SGF29: variants seen among roughly 807,000 people sequenced by gnomAD.
SGF29 encodes the protein SAGA-associated factor 29.
Under a neutral mutation model 38.1 loss-of-function variants are expected in SGF29, and 15 were observed. The observed-to-expected ratio is 0.39, with a 90% CI of 0.26 to 0.61. The LOEUF (loss-of-function observed/expected upper bound fraction) is 0.61, where lower values mean the gene tolerates loss of function less well. Among genes scored for constraint, SGF29 ranks in the 20% least tolerant of loss-of-function variants. SGF29 has a pLI of 0.49. For missense variants in SGF29, 184 were observed against 394.6 expected, an observed-to-expected ratio of 0.47 and a Z score of 4.52; for synonymous variants, 151 against 160.8, an observed-to-expected ratio of 0.94 and a Z score of 0.46.
chr16:28,578,482 C>A (rs1435140301), intron 1 of SGF29, among the ~76,000 whole-genome samples: 1 of 151,944 alleles, frequency 6.6e-6, no homozygotes, highest in African/African-American at 2.4e-5. Flanking sequence ...TTCATAGATG[C>A]CCTTCATCAG....
chr16:28,572,281 G>T (rs578029817), intron 1 of SGF29, among the ~76,000 whole-genome samples: 1 of 137,804 alleles, frequency 7.3e-6, no homozygotes, highest in South Asian at 2.4e-4. Context: ...CGGCCCTTTT[G>T]TATTTTTCTT....
intron 1 of SGF29, among the ~76,000 whole-genome samples, chr16:28,569,770 G>A (rs2046854198): frequency 6.6e-6 from 1 of 152,214 alleles, no homozygotes; most frequent in Admixed American, 6.5e-5. Flanking sequence ...GACAATGGAA[G>A]GATGACCCCG....
Position 28,574,829 on chromosome 16 carries a change from A to G in SGF29, c.-15-6226A>G, listed in dbSNP as rs1403039007. Among the ~76,000 whole-genome samples the G allele has an allele frequency of 2.0e-5, 3 of 152,332 alleles. No individual in the cohort carries two copies. The East Asian group carries it at 5.8e-4, about 29-fold the overall frequency. ...TTTAGCAACAGCCTGCATGCTGATC[A>G]TGCTCAGATTTATCCACTTCCAATC... On this transcript the variant is annotated intron_variant, in intron 1 of 9. Transcript: ENST00000317058.
intron 1 of SGF29, among the ~76,000 whole-genome samples, chr16:28,571,745 G>C (rs1032764560): frequency 3.3e-5 from 5 of 152,180 alleles, no homozygotes; most frequent in African/African-American, 1.2e-4. Flanking sequence ...AAGAGTCAAT[G>C]TAAGGAAATC....
chr16:28,585,065 G>A (rs2046949195), intron 3 of SGF29, 77 bp downstream of exon 3: 2 of 1,122,854 alleles, frequency 1.8e-6, no homozygotes, highest in East Asian at 2.4e-5. Flanking sequence ...GACCGAGGTG[G>A]TCATTGTATT....
intron 9 of SGF29, 70 bp from the exon 10 acceptor site, chr16:28,591,520 C>G (rs1240125696): frequency 9.3e-7 from 1 of 1,073,178 alleles, no homozygotes; most frequent in African/African-American, 1.6e-5. Flanking sequence ...GTGGTCTAGG[C>G]TGGGGGAAGG....
chr16:28,589,233 C>A, intron 5 of SGF29, 69 bp downstream of exon 5: 1 of 1,558,220 alleles, frequency 6.4e-7, no homozygotes, highest in South Asian at 1.1e-5. Flanking sequence ...GGGCAGCAGT[C>A]ACCCTCCTGT....
intron 1 of SGF29, among the ~76,000 whole-genome samples, chr16:28,562,911 A>AG (rs2046798114): frequency 6.6e-6 from 1 of 151,030 alleles, no homozygotes; most frequent in Non-Finnish European, 1.5e-5. Context: ...CTCAAAAAAA[A>AG]AAAAAAAAAA....
chr16:28,556,164 CTATTTATT>C (rs201919458), intron 1 of SGF29, among the ~76,000 whole-genome samples: 1 of 151,878 alleles, frequency 6.6e-6, no homozygotes, highest in African/African-American at 2.4e-5. Context: ...AATATAGATT[CTATTTATT>C]TATTTATTTA....
intron 5 of SGF29, chr16:28,589,471 C>T (rs997521614): frequency 5.8e-6 from 2 of 347,340 alleles, no homozygotes; most frequent in Non-Finnish European, 1.1e-5. Flanking sequence ...ATCTGTTGCC[C>T]TGGCTGGTTT....
At chr16:28,574,500 A>G (rs114722878) in intron 1 of SGF29, among the ~76,000 whole-genome samples, 1,749 of 152,274 alleles carry the variant, frequency 0.011, 37 homozygotes, top group African/African-American at 0.039. Context: ...TCTGCATTCA[A>G]TTAACACTTC....
intron 1 of SGF29, among the ~76,000 whole-genome samples, chr16:28,557,608 TG>T (rs1268321240): frequency 6.6e-6 from 1 of 152,134 alleles, no homozygotes; most frequent in African/African-American, 2.4e-5. Context: ...ATAAAGCAAC[TG>T]GGGGCTTGTG....
chr16:28,571,484 T>G (rs1001171701), intron 1 of SGF29, among the ~76,000 whole-genome samples: 3 of 151,594 alleles, frequency 2.0e-5, no homozygotes, highest in Non-Finnish European at 4.4e-5. Flanking sequence ...TCCCAGCTAC[T>G]TGGGAGGTTG....
At chr16:28,562,733 T>C (rs2046796938) in intron 1 of SGF29, among the ~76,000 whole-genome samples, 1 of 151,736 alleles carries the variant, frequency 6.6e-6, no homozygotes, top group Non-Finnish European at 1.5e-5. Context: ...CAAGACCTCA[T>C]CTCTACAAAA....
chr16:28,559,098 T>C (rs2046770043), intron 1 of SGF29, among the ~76,000 whole-genome samples: 1 of 152,152 alleles, frequency 6.6e-6, no homozygotes, highest in Admixed American at 6.6e-5. Context: ...AGCAGGAAGA[T>C]TGCTTGAGCC....
intron 1 of SGF29, among the ~76,000 whole-genome samples, chr16:28,577,144 G>C (rs896947928): frequency 6.6e-6 from 1 of 151,914 alleles, no homozygotes; most frequent in Non-Finnish European, 1.5e-5. Flanking sequence ...CTCCAGCCTC[G>C]GTGACACAGC....
Position 28,590,428 on chromosome 16 carries a change from C to A in SGF29, c.552C>A (p.Ser184Arg). The change falls in exon 7 of 10, where the codon AGC becomes AGA. Residue 184 changes from serine to arginine, a missense_variant. Physicochemically the swap from Ser to Arg is moderately radical, Grantham distance 110. Transcript: ENST00000317058. This position sits in a 1 kb window ranked among gnomAD's most constrained non-coding sequence, Gnocchi z 8.2. ...TCCTGGCCGAGGTGGTCAGTTACAG[C>A]CATGCCACCAACAAGTGAGTGACAC... ...QWILAEVVSY[S>R]HATNKYEVDD... 1 of 1,613,926 alleles carries A rather than the reference C, an allele frequency of 6.2e-7. No homozygotes were observed. Among genetic ancestry groups the A allele is most frequent in the Non-Finnish European group, 8.5e-7 (1 of 1,179,834 alleles).
intron 1 of SGF29, among the ~76,000 whole-genome samples, chr16:28,573,213 T>C (rs1415173452): frequency 6.6e-6 from 1 of 150,862 alleles, no homozygotes; most frequent in East Asian, 1.9e-4. Context: ...GAAGTGGGGG[T>C]GAGGACCTGG....
intron 1 of SGF29, among the ~76,000 whole-genome samples, chr16:28,569,562 G>A (rs182467326): frequency 8.5e-4 from 129 of 152,290 alleles, no homozygotes; most frequent in African/African-American, 2.9e-3. Flanking sequence ...TGAGGTGGGA[G>A]GATCACTTGA....
Sources: gnomAD v4.1 joint callset for allele counts (sites outside exome capture counted in the v4.1 genomes callset) on GRCh38, gnomAD v4.1.1 for gene constraint, Gnocchi (gnomAD v3.1) non-coding constraint, MANE v1.5 for transcripts, NCBI Gene and HGNC (gene_info 2026-07-23, HGNC 2026-07-21) for gene names.